The following CP variants were observed in gnomAD, a reference collection of about 807,000 sequenced individuals.
CP encodes caeruloplasmin.
In CP, 64 loss-of-function variants were observed where a neutral mutation model predicts 122.4. The ratio of observed to expected loss-of-function variants is 0.52; its 90% confidence interval spans 0.43 to 0.64. CP has a LOEUF of 0.64. CP is among the 30% of genes least tolerant of loss of function. The pLI, the probability that CP is intolerant of heterozygous loss-of-function variation, is 0.00. For missense variants in CP, 1,167 were observed against 1,284.4 expected, an observed-to-expected ratio of 0.91 and a Z score of 1.40; for synonymous variants, 440 against 436.4, an observed-to-expected ratio of 1.01 and a Z score of -0.10.
In CP at chr3:149,210,166, C is replaced by G; in HGVS notation, c.607+1G>C. ...GCATGTGCAATAAGGAGAAGATGTA[C>G]CTTTTTTACAGATTATTAAAGGTCC... On this transcript the variant is annotated splice_donor_variant, in intron 3 of 18. Coordinates refer to ENST00000264613, the MANE Select transcript of CP (RefSeq NM_000096.4). LOFTEE classifies it high-confidence loss of function. The G allele has an allele frequency of 6.2e-7, 1 of 1,613,784 alleles. No individual in the cohort carries two copies. Among genetic ancestry groups the G allele is most frequent in the Non-Finnish European group, 8.5e-7 (1 of 1,179,774 alleles).
At chr3:149,200,462 T>C (rs1250382546) in intron 7 of CP, among the ~76,000 whole-genome samples, 1 of 152,158 alleles carries the variant, frequency 6.6e-6, no homozygotes, top group African/African-American at 2.4e-5. Context: ...TTGTTCCCAT[T>C]TTACAGAAGG....
chr3:149,180,310 A>G (rs1350519429), intron 14 of CP, among the ~76,000 whole-genome samples: 1 of 152,126 alleles, frequency 6.6e-6, no homozygotes, highest in Non-Finnish European at 1.5e-5. Flanking sequence ...GGACATAACC[A>G]CACCCTCGGC....
intron 9 of CP, among the ~76,000 whole-genome samples, chr3:149,192,800 A>C (rs1726629581): frequency 1.3e-5 from 2 of 152,116 alleles, no homozygotes; most frequent in African/African-American, 4.8e-5. Flanking sequence ...AACATTATTA[A>C]TTAAACTATA....
intron 5 of CP, chr3:149,163,741 A>G (rs565670564): frequency 1.5e-4 from 103 of 709,952 alleles, no homozygotes; most frequent in Non-Finnish European, 2.3e-4. Flanking sequence ...ACCTAATTCT[A>G]TGACATGGCA....
intron 1 of CP, among the ~76,000 whole-genome samples, chr3:149,218,424 A>G (rs957509723): frequency 6.6e-6 from 1 of 152,206 alleles, no homozygotes; most frequent in African/African-American, 2.4e-5. Flanking sequence ...GAGTATAAGG[A>G]AATTATTTTC....
chr3:149,178,446 A>C lies in CP; in HGVS notation c.2847T>G (p.Asp949Glu), dbSNP rs201431095. Reference sequence around the variant, plus strand: ...TTTTATTGCTTTCTATGAATTCCTCATCATCTTTGTTTACTTTCTCGGGGT... The same window carrying C: ...TTTTATTGCTTTCTATGAATTCCTCCTCATCTTTGTTTACTTTCTCGGGGT... ...SDHPEKVNKD[D>E]EEFIESNKMH... The change falls in exon 16 of 19, where the codon GAT becomes GAG. Residue 949 changes from aspartate to glutamate, a missense_variant. By Grantham distance (45) the Asp-to-Glu change is conservative. Around this residue, in one of 2 missense-constraint regions of CP, gnomAD observed 525 missense variants for 657.2 expected, o/e 0.80. Coordinates refer to ENST00000264613, the MANE Select transcript of CP (RefSeq NM_000096.4). The C allele has an allele frequency of 2.5e-6, 4 of 1,612,028 alleles. No individual in the cohort carries two copies. In the African/African-American group the frequency reaches 5.3e-5, roughly 22 times the overall value.
downstream of CP, chr3:149,168,085 G>A: frequency 4.0e-6 from 3 of 745,890 alleles, no homozygotes; most frequent in South Asian, 3.0e-5. Flanking sequence ...GTGAAACCGA[G>A]GGCCTTTCAG....
At chr3:149,199,976 G>T (rs972278449) in intron 7 of CP, 112 bp from the exon 8 acceptor site, 5 of 1,106,648 alleles carry the variant, frequency 4.5e-6, no homozygotes, top group African/African-American at 3.1e-5. Context: ...GGAGCAACAC[G>T]CTTATTTGTG....
rs1366061971 is a variant in CP at position 149,177,911 on chromosome 3, A to G, written c.2947T>C (p.Tyr983His). ...ATTTCATTGCCCATTCCCATCAGAT[A>G]CCAGTTGACTTCATCTCCCACGTGC... ...TMHVGDEVNW[Y>H]LMGMGNEIDL... Residue 983 changes from tyrosine (Y) to histidine (H), a missense_variant, in exon 17 of 19, where the codon TAT (tyrosine) becomes CAT (histidine). Coordinates refer to ENST00000264613, the MANE Select transcript of CP (RefSeq NM_000096.4). 3 of 1,613,498 alleles carry G rather than the reference A, an allele frequency of 1.9e-6. No individual in the cohort carries two copies. Among genetic ancestry groups the G allele is most frequent in the African/African-American group, 2.7e-5 (2 of 74,894 alleles).
chr3:149,162,647 T>C (rs1458169822), exon 6 of CP: 1 of 1,591,030 alleles, frequency 6.3e-7, no homozygotes, highest in Non-Finnish European at 8.6e-7. Context: ...TTATCAGTGC[T>C]ATATTTATCT....
intron 18 of CP, 41 bp from the exon 19 acceptor site, chr3:149,173,771 A>G (rs1725213896): frequency 9.5e-7 from 1 of 1,053,592 alleles, no homozygotes; most frequent in African/African-American, 1.6e-5. Flanking sequence ...TAAAAATAAT[A>G]TATGGTTAGA....
chr3:149,168,070 C>A (rs1576709302), downstream of CP: 3 of 804,214 alleles, frequency 3.7e-6, no homozygotes, highest in East Asian at 5.2e-5. Context: ...TCATGTGATT[C>A]TCAAGTGAAA....
chr3:149,188,270 C>G, intron 9 of CP, 68 bp from the exon 10 acceptor site: 1 of 1,311,356 alleles, frequency 7.6e-7, no homozygotes, highest in Non-Finnish European at 1.1e-6. Flanking sequence ...GTGCACAATA[C>G]TATTTATGCA....
intron 7 of CP, 25 bp downstream of exon 7, chr3:149,202,077 C>T (rs2108277563): frequency 2.5e-6 from 4 of 1,613,844 alleles, no homozygotes; most frequent in African/African-American, 1.3e-5. Context: ...AGTAAACCAG[C>T]CATATATATT....
At position 149,221,751 on chromosome 3, in the gene CP, A is replaced by G. The variant is rs1423246005; in HGVS notation, c.42T>C (p.Ser14=). 1 of 1,613,716 alleles carries G rather than the reference A, an allele frequency of 6.2e-7. No individual in the cohort carries two copies. The highest frequency in any genetic ancestry group is 1.1e-5 in the South Asian group (1 of 91,012). Residue 14 remains serine (S), a synonymous_variant, in exon 1 of 19, where the codon AGT becomes AGC. Coordinates refer to ENST00000264613, the MANE Select transcript of CP (RefSeq NM_000096.4). ...LILGIFLFLC[S]TPAWAKEKHY... is the part of the protein sequence containing the mutation. Reference sequence around the variant, plus strand: ...GCTTTTCTTTCGCCCAGGCTGGGGTACTACATAAAAACAGAAAAATACCAA... The same window carrying G: ...GCTTTTCTTTCGCCCAGGCTGGGGTGCTACATAAAAACAGAAAAATACCAA...
rs869206210 is a variant in CP at position 149,184,028 on chromosome 3, CTTTTT to C, written c.2286-428_2286-424del. The stretch of plus-strand genomic sequence containing the variant: ...CCAGGCATTCCCTTTTCACTTACTT[CTTTTT>C]TTTTTTTTTTTTTTTTTTTTTTTGA... On this transcript the variant is annotated intron_variant, in intron 12 of 18. Transcript: ENST00000264613. Among the ~76,000 whole-genome samples, 296 of 63,578 alleles carry C rather than the reference CTTTTT, an allele frequency of 4.7e-3. 1 individual carries two copies. Among genetic ancestry groups the C allele is most frequent in the Non-Finnish European group, 7.4e-3 (256 of 34,744 alleles). The allele number at this position is 63,578 out of a possible 152,430, so 41.7% of individuals were successfully genotyped here.
At chr3:149,198,185 T>C (rs1487480877) in intron 9 of CP, among the ~76,000 whole-genome samples, 182 bp downstream of exon 9, 5 of 152,198 alleles carry the variant, frequency 3.3e-5, no homozygotes, top group Non-Finnish European at 5.9e-5. Flanking sequence ...TAAAGAGTTA[T>C]GATGTGTGTT....
chr3:149,210,071 A>G, intron 3 of CP, 96 bp downstream of exon 3: 2 of 1,237,334 alleles, frequency 1.6e-6, no homozygotes, highest in Non-Finnish European at 2.3e-6. Context: ...TTACCTGCTC[A>G]ATCTCAGCAC....
chr3:149,192,670 T>TAC (rs150990784), intron 9 of CP, among the ~76,000 whole-genome samples: 7,614 of 150,618 alleles, frequency 0.051, 614 homozygotes, highest in African/African-American at 0.18. Flanking sequence ...GTATGTAGTA[T>TAC]ACACACACAC....
Sources: gnomAD v4.1 joint callset for allele counts (sites outside exome capture counted in the v4.1 genomes callset) on GRCh38, gnomAD v4.1.1 for gene constraint, gnomAD v4.1.1 regional missense constraint, MANE v1.5 for transcripts, NCBI Gene and HGNC (gene_info 2026-07-23, HGNC 2026-07-21) for gene names.